The following GIPC2 variants were observed in gnomAD, a reference collection of about 807,000 sequenced individuals.
The protein encoded by GIPC2 is GIPC PDZ domain containing family member 2.
Under a neutral mutation model 30.6 loss-of-function variants are expected in GIPC2, and 30 were observed. The observed-to-expected ratio is 0.98, with a 90% confidence interval of 0.73 to 1.33. The LOEUF (loss-of-function observed/expected upper bound fraction) is 1.33, where lower values mean the gene tolerates loss of function less well. Among genes scored for constraint, GIPC2 ranks in the 40% most tolerant of loss-of-function variants. The pLI is 0.00. For synonymous variants in GIPC2, 167 were observed against 150.0 expected (o/e 1.11, Z -0.83); for missense variants, 414 against 390.3 (o/e 1.06, Z -0.51).
intron 3 of GIPC2, among the ~76,000 whole-genome samples, chr1:78,096,491 G>GTTT (rs200429118): frequency 2.4e-4 from 32 of 135,552 alleles, no homozygotes; most frequent in African/African-American, 6.4e-4. Flanking sequence ...AAATTTTTCT[G>GTTT]TTTTTTTTTT....
chr1:78,108,918 A>G (rs1441152667), intron 3 of GIPC2, among the ~76,000 whole-genome samples: 1 of 152,188 alleles, frequency 6.6e-6, no homozygotes, highest in Non-Finnish European at 1.5e-5. Context: ...AACTGGCTTA[A>G]GCAGAAACGG....
At chr1:78,075,153 C>A (rs569474395) in intron 1 of GIPC2, among the ~76,000 whole-genome samples, 1 of 152,276 alleles carries the variant, frequency 6.6e-6, no homozygotes, top group South Asian at 2.1e-4. Flanking sequence ...GATAACTTAA[C>A]TTATTATTTT....
intron 3 of GIPC2, among the ~76,000 whole-genome samples, chr1:78,117,668 G>A (rs576346484): frequency 1.3e-5 from 2 of 152,240 alleles, no homozygotes; most frequent in South Asian, 4.1e-4. Flanking sequence ...CCTGGAGGTT[G>A]GAGACCTCTA....
chr1:78,085,940 G>A (rs1661921061), intron 2 of GIPC2, among the ~76,000 whole-genome samples: 1 of 139,012 alleles, frequency 7.2e-6, no homozygotes, highest in South Asian at 2.3e-4. Context: ...TCTGGTTTTG[G>A]TTATTTCTTG....
chr1:78,090,056 A>G (rs1405952805), intron 2 of GIPC2, among the ~76,000 whole-genome samples: 1 of 152,152 alleles, frequency 6.6e-6, no homozygotes, highest in African/African-American at 2.4e-5. Flanking sequence ...AAAACCATTC[A>G]TAACTCATGG....
At chr1:78,063,416 TG>T (rs1661441879) in intron 1 of GIPC2, among the ~76,000 whole-genome samples, 1 of 151,434 alleles carries the variant, frequency 6.6e-6, no homozygotes, top group South Asian at 2.1e-4. Flanking sequence ...TGCTTGAACC[TG>T]GGAAATGGAG....
At position 78,095,082 on chromosome 1, in the gene GIPC2, A is replaced by G. The variant is rs1234094174; in HGVS notation, c.557A>G (p.Lys186Arg). 6.2e-7 allele frequency: 1 copy of G among 1,612,896 alleles called. No individual in the cohort carries two copies. The highest frequency in any genetic ancestry group is 8.5e-7 in the Non-Finnish European group (1 of 1,178,982). ...GTTGCTAAGAAGTTAAAGGAATTAA[A>G]AAAGGAGGAACTCTTTACTATGAAG... ...YDVAKKLKELKKEELFTMKLI... is the reference protein window; with the variant it reads ...YDVAKKLKELRKEELFTMKLI... Residue 186 changes from lysine (K) to arginine (R), a missense_variant, in exon 3 of 6, where the codon AAA becomes AGA. Physicochemically the swap from Lys to Arg is conservative, Grantham distance 26. Transcript: ENST00000370759.
At chr1:78,052,226 C>T (rs1163378349) in intron 1 of GIPC2, among the ~76,000 whole-genome samples, 1 of 152,136 alleles carries the variant, frequency 6.6e-6, no homozygotes, top group Non-Finnish European at 1.5e-5. Context: ...TCTCTAGGTG[C>T]AACACTCCCT....
At chr1:78,106,351 A>G (rs1662353467) in intron 3 of GIPC2, among the ~76,000 whole-genome samples, 1 of 151,948 alleles carries the variant, frequency 6.6e-6, no homozygotes, top group South Asian at 2.1e-4. Context: ...CGAGGTCAGG[A>G]GATTGAGACC....
At chr1:78,133,306 A>G (rs749672921) in intron 5 of GIPC2, among the ~76,000 whole-genome samples, 1 of 152,240 alleles carries the variant, frequency 6.6e-6, no homozygotes, top group Non-Finnish European at 1.5e-5. Context: ...TTGAATTTGC[A>G]GTCTAAGACC....
At chr1:78,078,865 C>T (rs891331901) in intron 1 of GIPC2, among the ~76,000 whole-genome samples, 6 of 148,868 alleles carry the variant, frequency 4.0e-5, no homozygotes, top group Middle Eastern at 3.5e-3. Flanking sequence ...AACAACAAAC[C>T]AAGGAGGAGA....
intron 2 of GIPC2, chr1:78,091,853 G>GT (rs1409610948): frequency 7.7e-6 from 6 of 779,312 alleles, no homozygotes; most frequent in Non-Finnish European, 1.4e-5. Context: ...GGAGAAAGAT[G>GT]TAAGAATCTT....
At chr1:78,084,687 T>C (rs1375898460) in intron 2 of GIPC2, among the ~76,000 whole-genome samples, 1 of 152,200 alleles carries the variant, frequency 6.6e-6, no homozygotes, top group African/African-American at 2.4e-5. Context: ...TATTTTATTC[T>C]TTTTGTGACA....
chr1:78,120,815 C>A (rs112676513), intron 4 of GIPC2, among the ~76,000 whole-genome samples: 4,226 of 152,254 alleles, frequency 0.028, 141 homozygotes, highest in African/African-American at 0.081. Context: ...CCCACCGGGT[C>A]CCTCCCACAA....
At chr1:78,093,357 T>C (rs921779674) in intron 2 of GIPC2, among the ~76,000 whole-genome samples, 1 of 152,180 alleles carries the variant, frequency 6.6e-6, no homozygotes, top group African/African-American at 2.4e-5. Flanking sequence ...AATAAAATAA[T>C]GTTGGTAGAT....
intron 2 of GIPC2, among the ~76,000 whole-genome samples, chr1:78,085,426 A>G (rs1430947036): frequency 2.0e-5 from 3 of 152,160 alleles, no homozygotes; most frequent in African/African-American, 7.2e-5. Flanking sequence ...TTTTGGTATC[A>G]GGATGATGTG....
In GIPC2 at chr1:78,135,665, T is replaced by G; in HGVS notation, c.870T>G (p.Leu290=). ...TTGCTGTGGCACTTGACGAAACTCTTGGAGACTTTGCGTTCCCAGACGAAT... is the reference window on the plus strand; with the variant it reads ...TTGCTGTGGCACTTGACGAAACTCTGGGAGACTTTGCGTTCCCAGACGAAT... ...DEFAVALDET[L]GDFAFPDEFV... The change falls in exon 6 of 6, where the codon CTT becomes CTG. Residue 290 remains leucine (L), a synonymous_variant. Transcript: ENST00000370759. 1 of 1,612,494 alleles carries G rather than the reference T, an allele frequency of 6.2e-7. No homozygotes were observed. The highest frequency in any genetic ancestry group is 8.5e-7 in the Non-Finnish European group (1 of 1,178,810).
rs1480727448 is a variant in GIPC2 at position 78,128,409 on chromosome 1, C to A, written c.796+2447C>A. Reference sequence around the variant, plus strand: ...TGTGGTCTGGAGTGAATCACAGACACAGGGCCTAGGAAAAGATCTAACTAG... The same window carrying A: ...TGTGGTCTGGAGTGAATCACAGACAAAGGGCCTAGGAAAAGATCTAACTAG... On this transcript the variant is annotated intron_variant, in intron 5 of 5. Coordinates refer to ENST00000370759, the MANE Select transcript of GIPC2 (RefSeq NM_017655.6). 3.3e-5 allele frequency among the ~76,000 whole-genome samples: 5 copies of A among 152,146 alleles called. No individual in the cohort carries two copies. In the East Asian group the frequency reaches 9.6e-4, roughly 29 times the overall value.
intron 2 of GIPC2, among the ~76,000 whole-genome samples, chr1:78,084,890 T>C (rs1162629618): frequency 4.6e-5 from 7 of 152,132 alleles, no homozygotes; most frequent in African/African-American, 1.7e-4. Flanking sequence ...CAAACAGAGA[T>C]AGTTTGACTT....
Sources: gnomAD v4.1 joint callset for allele counts (sites outside exome capture counted in the v4.1 genomes callset) on GRCh38, gnomAD v4.1.1 for gene constraint, MANE v1.5 for transcripts, NCBI Gene and HGNC (gene_info 2026-07-23, HGNC 2026-07-21) for gene names.